TMEM108: variants seen among roughly 807,000 people sequenced by gnomAD.
TMEM108 encodes cancer/testis antigen 124.
Under a neutral mutation model 35.1 loss-of-function variants are expected in TMEM108, and 12 were observed. The ratio of observed to expected loss-of-function variants is 0.34; its 90% CI spans 0.22 to 0.55. The LOEUF (loss-of-function observed/expected upper bound fraction) is 0.55. Ranked by LOEUF, TMEM108 falls within the 20% of genes least tolerant of loss-of-function variation. The pLI is 0.89. For synonymous variants in TMEM108, 287 were observed against 308.6 expected, an observed-to-expected ratio of 0.93 and a Z score of 0.73; for missense variants, 680 against 753.3, an observed-to-expected ratio of 0.90 and a Z score of 1.14.
chr3:133,117,233 T>A (rs1944298627), intron 2 of TMEM108, among the ~76,000 whole-genome samples: 1 of 152,208 alleles, frequency 6.6e-6, no homozygotes, highest in South Asian at 2.1e-4. Context: ...GGTTGAAACT[T>A]GATCTAATGT....
In TMEM108 at chr3:133,272,790, A is replaced by G. The variant is rs150020686; in HGVS notation, c.40+43439A>G. ...GAAAGTGAACCTGATCTTCTCAGCC[A>G]GGGGAGGTATTGCCCTCTAAGAGGG... On this transcript the variant is annotated intron_variant, in intron 3 of 5. Transcript: ENST00000321871. Among the ~76,000 whole-genome samples the G allele has an allele frequency of 2.3e-3, 354 of 152,286 alleles. 4 individuals are homozygous for G. Among genetic ancestry groups the G allele is most frequent in the African/African-American group, 8.1e-3 (335 of 41,554 alleles).
At chr3:133,091,392 A>G (rs1299390738) in intron 2 of TMEM108, among the ~76,000 whole-genome samples, 1 of 152,138 alleles carries the variant, frequency 6.6e-6, no homozygotes, top group Admixed American at 6.5e-5. Context: ...AGCTATTCTT[A>G]TGGACTTGTT....
In TMEM108 at chr3:133,138,147, G is replaced by T. The variant is rs1234205639; in HGVS notation, c.-46-91119G>T. On this transcript the variant is annotated intron_variant, in intron 2 of 5. Transcript: ENST00000321871. ...AGAGTAGAGTATTTTTAGCCAGGTT[G>T]TCACCCACAAAGAAAATAAAATGAA... Among the ~76,000 whole-genome samples the T allele has an allele frequency of 1.3e-5, 2 of 152,130 alleles. 1 individual carries two copies. The highest frequency in any genetic ancestry group is 1.3e-4 in the Admixed American group (2 of 15,264).
intron 2 of TMEM108, among the ~76,000 whole-genome samples, chr3:133,142,352 C>T (rs1245651495): frequency 6.6e-6 from 1 of 152,136 alleles, no homozygotes; most frequent in Non-Finnish European, 1.5e-5. Flanking sequence ...AGGAAGGGTG[C>T]TGAGGAGCCA....
chr3:133,263,579 A>C (rs780871944), intron 3 of TMEM108, among the ~76,000 whole-genome samples: 7 of 152,190 alleles, frequency 4.6e-5, no homozygotes, highest in African/African-American at 1.7e-4. Context: ...TAAAAAGTCA[A>C]ATTTGTTGCT....
chr3:133,214,456 A>C (rs1945877135), intron 2 of TMEM108, among the ~76,000 whole-genome samples: 1 of 151,966 alleles, frequency 6.6e-6, no homozygotes, highest in South Asian at 2.1e-4. Flanking sequence ...CTAGTCTTTT[A>C]TTTTCCCTGA....
chr3:133,277,786 C>T (rs1248166632), intron 3 of TMEM108, among the ~76,000 whole-genome samples: 1 of 152,138 alleles, frequency 6.6e-6, no homozygotes, highest in Non-Finnish European at 1.5e-5. Flanking sequence ...CAGATATTTC[C>T]CCAAAATTAA....
intron 2 of TMEM108, among the ~76,000 whole-genome samples, chr3:133,156,829 C>G (rs568617549): frequency 6.6e-6 from 1 of 152,216 alleles, no homozygotes; most frequent in Non-Finnish European, 1.5e-5. Flanking sequence ...TAGGTGGAAG[C>G]TTTTAAGAGC....
intron 2 of TMEM108, among the ~76,000 whole-genome samples, chr3:133,122,542 A>G (rs1243452506): frequency 6.6e-6 from 1 of 152,202 alleles, no homozygotes; most frequent in Admixed American, 6.5e-5. Context: ...TGTTTTTAAA[A>G]TATGAGTAGA....
At chr3:133,218,734 TA>T (rs1278492109) in intron 2 of TMEM108, among the ~76,000 whole-genome samples, 2 of 152,108 alleles carry the variant, frequency 1.3e-5, no homozygotes, top group Non-Finnish European at 2.9e-5. Flanking sequence ...AAATTTCACT[TA>T]ATCTTGGTGA....
chr3:133,326,349 C>T (rs1380845518), intron 3 of TMEM108, among the ~76,000 whole-genome samples: 1 of 152,118 alleles, frequency 6.6e-6, no homozygotes, highest in Non-Finnish European at 1.5e-5. Flanking sequence ...TTTATGCAAC[C>T]AGCCCCAAGG....
intron 3 of TMEM108, among the ~76,000 whole-genome samples, chr3:133,245,254 A>G (rs1009400202): frequency 6.6e-6 from 1 of 152,230 alleles, no homozygotes; most frequent in African/African-American, 2.4e-5. Flanking sequence ...AGGCTTAAGC[A>G]TGAGTCCAGA....
At chr3:133,313,012 A>G (rs903151425) in intron 3 of TMEM108, among the ~76,000 whole-genome samples, 4 of 152,114 alleles carry the variant, frequency 2.6e-5, no homozygotes, top group Non-Finnish European at 4.4e-5. Flanking sequence ...AATTTTATCA[A>G]TCAGTATGTG....
Position 133,380,613 on chromosome 3 carries a change from C to T in TMEM108, c.902C>T (p.Thr301Ile). 6.2e-7 allele frequency: 1 copy of T among 1,613,462 alleles called. No homozygotes were observed. Among genetic ancestry groups the T allele is most frequent in the Non-Finnish European group, 8.5e-7 (1 of 1,179,656 alleles). Residue 301 changes from threonine to isoleucine, a missense_variant, in exon 4 of 6, where the codon ACA (threonine) becomes ATA (isoleucine). Thr to Ile is a moderately conservative substitution (Grantham distance 89). This residue lies in a region of TMEM108 where 526 missense variants were observed against 532.1 expected (regional missense o/e 0.99). Transcript: ENST00000321871. This position sits in a 1 kb window ranked among gnomAD's most constrained non-coding sequence, Gnocchi z 5.3. Reference protein sequence around the residue: ...FTSQGGTPDATAASGAPVSPQ... With the variant: ...FTSQGGTPDAIAASGAPVSPQ... ...AGCCAAGGAGGGACACCAGATGCCA[C>T]AGCAGCCTCAGGTGCCCCTGTCAGT...
At chr3:133,320,907 T>C (rs577418467) in intron 3 of TMEM108, among the ~76,000 whole-genome samples, 1 of 152,218 alleles carries the variant, frequency 6.6e-6, no homozygotes, top group African/African-American at 2.4e-5. Flanking sequence ...GAATTTTGTA[T>C]TGAGCAAAAA....
At chr3:133,212,502 A>G (rs150335128) in intron 2 of TMEM108, among the ~76,000 whole-genome samples, 113 of 152,296 alleles carry the variant, frequency 7.4e-4, no homozygotes, top group African/African-American at 2.5e-3. Context: ...TTCAGAGGAC[A>G]GTGAAATATT....
chr3:133,220,676 T>A (rs977738727), intron 2 of TMEM108, among the ~76,000 whole-genome samples: 1 of 152,214 alleles, frequency 6.6e-6, no homozygotes, highest in South Asian at 2.1e-4. Context: ...AATTCTCCCA[T>A]GGACACCAGC....
intron 3 of TMEM108, among the ~76,000 whole-genome samples, chr3:133,236,181 T>G (rs1300061726): frequency 6.6e-6 from 1 of 152,132 alleles, no homozygotes; most frequent in East Asian, 1.9e-4. Flanking sequence ...TTGAATTTCT[T>G]AAATCATGCT....
At chr3:133,250,512 AGTT>A (rs1219724394) in intron 3 of TMEM108, among the ~76,000 whole-genome samples, 1 of 152,248 alleles carries the variant, frequency 6.6e-6, no homozygotes, top group Non-Finnish European at 1.5e-5. Flanking sequence ...GGCTATTAGT[AGTT>A]AAGTTTTGGG....
Sources: allele counts gnomAD v4.1 joint callset (sites outside exome capture counted in the v4.1 genomes callset), GRCh38; gene constraint gnomAD v4.1.1; regional missense constraint gnomAD v4.1.1; non-coding constraint Gnocchi (gnomAD v3.1); transcripts MANE v1.5; gene names NCBI Gene and HGNC (gene_info 2026-07-23, HGNC 2026-07-21).